DISC1: variants seen among roughly 807,000 people sequenced by gnomAD.
DISC1 encodes DISC1 scaffold protein.
A neutral mutation model predicts 84.5 loss-of-function variants in DISC1; 57 were observed. That is an observed-to-expected ratio of 0.67 (90% CI 0.55 to 0.84). The LOEUF is 0.84. DISC1 is among the 40% of genes least tolerant of loss of function. The pLI, the probability that DISC1 is intolerant of heterozygous loss-of-function variation, is 0.00. For synonymous variants in DISC1, 411 were observed against 415.2 expected (o/e 0.99, Z 0.12); for missense variants, 1,000 against 1,057.8 (o/e 0.95, Z 0.76).
intron 1 of DISC1, among the ~76,000 whole-genome samples, chr1:231,664,913 A>T (rs1170451489): frequency 4.6e-5 from 7 of 152,002 alleles, no homozygotes; most frequent in Non-Finnish European, 1.0e-4. Flanking sequence ...TAAAAAAAAA[A>T]TAAGAAAAAG....
At chr1:232,022,456 C>T (rs1393196092) in intron 11 of DISC1, among the ~76,000 whole-genome samples, 1 of 152,028 alleles carries the variant, frequency 6.6e-6, no homozygotes, top group East Asian at 1.9e-4. Flanking sequence ...TACAGGCCTG[C>T]ACCACCACAC....
intron 10 of DISC1, among the ~76,000 whole-genome samples, chr1:231,963,030 C>T (rs1660598970): frequency 6.6e-6 from 1 of 152,198 alleles, no homozygotes; most frequent in African/African-American, 2.4e-5. Flanking sequence ...CTGTTGCCCT[C>T]TTACCACCTT....
chr1:231,700,688 T>C (rs568215377), intron 2 of DISC1, among the ~76,000 whole-genome samples: 2 of 152,300 alleles, frequency 1.3e-5, no homozygotes, highest in South Asian at 4.1e-4. Context: ...GGGCTAAGCA[T>C]TTTATGATGT....
intron 8 of DISC1, among the ~76,000 whole-genome samples, chr1:231,811,549 A>C (rs1053016285): frequency 2.0e-5 from 3 of 152,228 alleles, no homozygotes; most frequent in Non-Finnish European, 4.4e-5. Flanking sequence ...AAAGAAGTAT[A>C]GTTCAAATGT....
At chr1:231,756,997 A>G (rs1405314110) in intron 4 of DISC1, among the ~76,000 whole-genome samples, 1 of 152,156 alleles carries the variant, frequency 6.6e-6, no homozygotes, top group Admixed American at 6.5e-5. Flanking sequence ...GGCAGGCTGA[A>G]GCTCACACAG....
At chr1:232,004,768 G>A (rs1005564905) in intron 10 of DISC1, among the ~76,000 whole-genome samples, 22 of 152,202 alleles carry the variant, frequency 1.4e-4, no homozygotes, top group African/African-American at 4.8e-4. Flanking sequence ...GTTGTTTCTA[G>A]TATGGACCAG....
At chr1:231,838,931 A>G (rs1243296293) in intron 9 of DISC1, among the ~76,000 whole-genome samples, 1 of 152,184 alleles carries the variant, frequency 6.6e-6, no homozygotes, top group Non-Finnish European at 1.5e-5. Context: ...GGGTGACAAG[A>G]TGTGATTCCT....
intron 3 of DISC1, among the ~76,000 whole-genome samples, chr1:231,732,130 C>T (rs1296424575): frequency 6.6e-6 from 1 of 152,210 alleles, no homozygotes; most frequent in African/African-American, 2.4e-5. Context: ...TGAGGACTCT[C>T]CAAGGTTGTA....
At chr1:231,749,833 G>A (rs1346456818) in intron 3 of DISC1, 93 bp from the exon 4 acceptor site, 11 of 1,550,950 alleles carry the variant, frequency 7.1e-6, no homozygotes, top group Admixed American at 1.7e-5. Flanking sequence ...TTAAGGCAAA[G>A]GTTCACTACA....
chr1:231,765,763 C>T (rs202008751), intron 4 of DISC1, among the ~76,000 whole-genome samples: 29 of 152,140 alleles, frequency 1.9e-4, no homozygotes, highest in African/African-American at 3.6e-4. Context: ...ATGTCAACTC[C>T]GGCAAGAATA....
intron 9 of DISC1, among the ~76,000 whole-genome samples, chr1:231,891,859 T>C (rs963896225): frequency 1.3e-5 from 2 of 152,184 alleles, no homozygotes; most frequent in African/African-American, 4.8e-5. Context: ...ATTCCATGTT[T>C]GAGAAGTAGC....
intron 10 of DISC1, among the ~76,000 whole-genome samples, chr1:231,996,590 A>G (rs1572551611): frequency 6.6e-6 from 1 of 152,202 alleles, no homozygotes; most frequent in Non-Finnish European, 1.5e-5. Flanking sequence ...AACTCTAGGC[A>G]TCTGTGTCAG....
intron 3 of DISC1, chr1:231,723,659 T>C (rs549455991): frequency 8.3e-4 from 818 of 985,526 alleles, no homozygotes; most frequent in South Asian, 2.6e-3. Flanking sequence ...AATTGGATTA[T>C]GACACTGTCA....
chr1:231,869,424 C>T (rs777820518), intron 9 of DISC1, among the ~76,000 whole-genome samples: 11 of 152,042 alleles, frequency 7.2e-5, no homozygotes, highest in South Asian at 2.1e-4. Context: ...TAATGAATAG[C>T]GTCTTAGTCC....
chr1:231,658,386 G>T (rs953783371), intron 1 of DISC1, among the ~76,000 whole-genome samples: 1 of 152,164 alleles, frequency 6.6e-6, no homozygotes, highest in Non-Finnish European at 1.5e-5. Context: ...GGGCTGAGAT[G>T]ATGGGGTTTT....
chr1:231,993,839 A>G (rs1221846318), intron 10 of DISC1, among the ~76,000 whole-genome samples: 1 of 152,202 alleles, frequency 6.6e-6, no homozygotes, highest in Non-Finnish European at 1.5e-5. Context: ...ACTTCAATTC[A>G]TGCTTCATAT....
chr1:231,778,375 A>G (rs1458916659), intron 6 of DISC1, among the ~76,000 whole-genome samples: 1 of 152,200 alleles, frequency 6.6e-6, no homozygotes, highest in Non-Finnish European at 1.5e-5. Context: ...ATTTTATGAA[A>G]TAAGTTAAAA....
chr1:231,626,876 CG>C lies in DISC1; in HGVS notation c.14del (p.Gly5ValfsTer14). The C allele has an allele frequency of 1.4e-6, 2 of 1,478,416 alleles. No homozygotes were observed. Among genetic ancestry groups the C allele is most frequent in the Non-Finnish European group, 8.9e-7 (1 of 1,125,132 alleles). 91.6% of individuals were successfully genotyped at this position (1,478,416 alleles called of 1,614,324 possible). ...AGCTGGCAGCGGGGCGCATGCCAGGCGGGGGTCCTCAGGGCGCCCCAGCCGC... is the reference window on the plus strand; with the variant it reads ...AGCTGGCAGCGGGGCGCATGCCAGGCGGGGTCCTCAGGGCGCCCCAGCCGC... The part of the protein sequence containing the change: MPG[G>X]GPQGAPAAAG... On this transcript the variant is annotated frameshift_variant, in exon 1 of 13. Transcript: ENST00000439617. LOFTEE classifies it high-confidence loss of function.
chr1:231,701,746 T>G (rs768479508), intron 2 of DISC1, among the ~76,000 whole-genome samples: 1 of 152,216 alleles, frequency 6.6e-6, no homozygotes, highest in Non-Finnish European at 1.5e-5. Flanking sequence ...GTGGATGTTA[T>G]GCTCAAATTA....
Sources: allele counts gnomAD v4.1 joint callset (sites outside exome capture counted in the v4.1 genomes callset), GRCh38; gene constraint gnomAD v4.1.1; transcripts MANE v1.5; gene names NCBI Gene and HGNC (gene_info 2026-07-23, HGNC 2026-07-21).